The following MYO5A variants were observed in gnomAD, a reference collection of about 807,000 sequenced individuals.
The protein encoded by MYO5A is myosin VA.
MYO5A carries 98 observed loss-of-function variants against 249.7 expected under a neutral mutation model. The observed-to-expected ratio is 0.39, with a 90% CI of 0.33 to 0.46. The LOEUF (loss-of-function observed/expected upper bound fraction) is 0.46. MYO5A is among the 20% of genes least tolerant of loss of function. The pLI is 0.98. For synonymous variants in MYO5A, 778 were observed against 810.6 expected, an observed-to-expected ratio of 0.96 and a Z score of 0.68; for missense variants, 1,696 against 2,308.8, an observed-to-expected ratio of 0.73 and a Z score of 5.44.
In MYO5A at chr15:52,313,106, T is replaced by C. The variant is rs953849578; in HGVS notation, c.*590A>G. The C allele has an allele frequency of 3.2e-5, 5 of 156,194 alleles. No individual in the cohort carries two copies. The highest frequency in any genetic ancestry group is 7.1e-5 in the Non-Finnish European group (5 of 70,198). The allele number at this position is 156,194 out of a possible 1,614,324, so 9.7% of individuals were successfully genotyped here. ...AAACTATAGTACAAATGGACATCTA[T>C]ACTATTTAGCAAACCAACATTCCTT... On this transcript the variant is annotated 3_prime_UTR_variant, in exon 42 of 42. Coordinates refer to ENST00000399233, the MANE Select transcript of MYO5A (RefSeq NM_001382347.1).
chr15:52,331,316 C>G (rs1321422052), intron 34 of MYO5A, among the ~76,000 whole-genome samples: 1 of 151,994 alleles, frequency 6.6e-6, no homozygotes, highest in East Asian at 1.9e-4. Context: ...AGGGCAGCAG[C>G]TAGAGAATTA....
intron 1 of MYO5A, among the ~76,000 whole-genome samples, chr15:52,479,252 A>AC (rs1483500098): frequency 1.3e-5 from 2 of 152,114 alleles, no homozygotes; most frequent in African/African-American, 4.8e-5. Context: ...TGCTGGTATT[A>AC]CAGGAGTGAG....
chr15:52,433,515 G>A (rs2075589740), intron 1 of MYO5A, among the ~76,000 whole-genome samples: 1 of 149,012 alleles, frequency 6.7e-6, no homozygotes, highest in Admixed American at 6.8e-5. Context: ...CTGCCTCCTG[G>A]GTTCAAGCAA....
Position 52,330,356 on chromosome 15 carries a change from G to A in MYO5A, c.4552C>T (p.Leu1518=). ...DEQKLVKNLI[L]ELKPRGVAVN... ...ATCCAATGCAGAAAATACTTGCCCA[G>A]AATCAGGTTCTTAACAAGTTTTTGC... Residue 1518 remains leucine (L), a synonymous_variant, in exon 35 of 42, where the codon CTG becomes TTG. Transcript: ENST00000399233. 2 of 1,614,040 alleles carry A rather than the reference G, an allele frequency of 1.2e-6. No individual in the cohort carries two copies. The highest frequency in any genetic ancestry group is 2.2e-5 in the East Asian group (1 of 44,868).
chr15:52,351,388 C>T lies in MYO5A; in HGVS notation c.3715G>A (p.Ala1239Thr), dbSNP rs370437966. Residue 1239 changes from alanine to threonine, a missense_variant, in exon 28 of 42, where the codon GCC becomes ACC. By Grantham distance (58) the Ala-to-Thr change is moderately conservative (BLOSUM62 0). Coordinates refer to ENST00000399233, the MANE Select transcript of MYO5A (RefSeq NM_001382347.1). ...ACACGGTAGGCAGGTGCACCTGGGGCGGTCACCTCTGGGGCACTTTTCTCA... is the reference window on the plus strand; with the variant it reads ...ACACGGTAGGCAGGTGCACCTGGGGTGGTCACCTCTGGGGCACTTTTCTCA... ...LSEKSAPEVT[A>T]PGAPAYRVLM... 5.6e-5 allele frequency: 91 copies of T among 1,614,016 alleles called. No individual in the cohort carries two copies. Among genetic ancestry groups the T allele is most frequent in the Non-Finnish European group, 7.4e-5 (87 of 1,179,996 alleles).
At chr15:52,343,047 G>C in intron 31 of MYO5A, 70 bp downstream of exon 31, 1 of 1,254,510 alleles carries the variant, frequency 8.0e-7, no homozygotes, top group Non-Finnish European at 1.2e-6. Context: ...AGGGGTGAAA[G>C]TCAGGAGGTC....
intron 14 of MYO5A, among the ~76,000 whole-genome samples, chr15:52,387,388 G>A (rs549250426): frequency 2.6e-5 from 4 of 152,292 alleles, no homozygotes; most frequent in East Asian, 1.9e-4. Flanking sequence ...GTAAGGCCAC[G>A]TTTCTAGTAC....
In MYO5A at chr15:52,327,849, G is replaced by T; in HGVS notation, c.4710+3C>A. ...ATGAGAATTTTGTTGAACAGGAACT[G>T]ACCTTCAATACTTTTTTGATGCTGT... On this transcript the variant is annotated splice_donor_region_variant and intron_variant, in intron 36 of 41. Transcript: ENST00000399233. 2 of 1,612,552 alleles carry T rather than the reference G, an allele frequency of 1.2e-6. No individual in the cohort carries two copies. Among genetic ancestry groups the T allele is most frequent in the South Asian group, 2.2e-5 (2 of 90,934 alleles).
chr15:52,325,477 C>T (rs2038557189), intron 36 of MYO5A, among the ~76,000 whole-genome samples: 1 of 150,646 alleles, frequency 6.6e-6, no homozygotes, highest in Non-Finnish European at 1.5e-5. Context: ...TCATGGCTCA[C>T]TGCAGCTTTG....
chr15:52,472,566 C>T (rs1053530572), intron 1 of MYO5A, among the ~76,000 whole-genome samples: 2 of 152,066 alleles, frequency 1.3e-5, no homozygotes, highest in Admixed American at 6.6e-5. Flanking sequence ...CACAACAGGC[C>T]CCGGTGTGAT....
intron 32 of MYO5A, among the ~76,000 whole-genome samples, chr15:52,338,246 G>A (rs550913457): frequency 2.4e-5 from 3 of 126,704 alleles, no homozygotes; most frequent in Non-Finnish European, 5.1e-5. Context: ...TTTTTTTGCC[G>A]CCAGCAGCAG....
intron 24 of MYO5A, among the ~76,000 whole-genome samples, chr15:52,362,882 A>C (rs532632835): frequency 6.6e-6 from 1 of 152,346 alleles, no homozygotes; most frequent in South Asian, 2.1e-4. Context: ...ATGCTCAGAG[A>C]GGGATACATG....
intron 16 of MYO5A, among the ~76,000 whole-genome samples, chr15:52,381,224 T>C (rs1488544017): frequency 2.0e-5 from 3 of 151,996 alleles, no homozygotes; most frequent in Non-Finnish European, 4.4e-5. Context: ...TGATAAAAGG[T>C]CATGGTCCTG....
chr15:52,407,987 C>A, intron 7 of MYO5A, 72 bp downstream of exon 7: 1 of 1,027,918 alleles, frequency 9.7e-7, no homozygotes, highest in Middle Eastern at 2.3e-4. Flanking sequence ...TCCTTTTTAA[C>A]AAGTAAATTT....
chr15:52,348,988 T>G (rs983064895), intron 28 of MYO5A, among the ~76,000 whole-genome samples, 162 bp from the exon 29 acceptor site: 1 of 152,176 alleles, frequency 6.6e-6, no homozygotes, highest in African/African-American at 2.4e-5. Context: ...TACATTAACA[T>G]TCCTGGAACT....
intron 1 of MYO5A, among the ~76,000 whole-genome samples, chr15:52,493,337 A>G (rs577949232): frequency 6.1e-4 from 93 of 152,364 alleles, no homozygotes; most frequent in African/African-American, 2.1e-3. Context: ...GCACATTAAC[A>G]AAGAATGGAG....
chr15:52,512,499 AG>A (rs1401435503), intron 1 of MYO5A, among the ~76,000 whole-genome samples: 1 of 151,462 alleles, frequency 6.6e-6, no homozygotes, highest in African/African-American at 2.4e-5. Flanking sequence ...GTATTCATAA[AG>A]TAAATCATTT....
chr15:52,445,598 G>A (rs1216828787), intron 1 of MYO5A, among the ~76,000 whole-genome samples: 4 of 152,200 alleles, frequency 2.6e-5, no homozygotes, highest in African/African-American at 9.7e-5. Context: ...AAGACAGGAA[G>A]AAGAAAGAAA....
At chr15:52,472,903 T>C (rs942456106) in intron 1 of MYO5A, among the ~76,000 whole-genome samples, 3 of 152,244 alleles carry the variant, frequency 2.0e-5, no homozygotes, top group Non-Finnish European at 2.9e-5. Flanking sequence ...TTTGGGTATA[T>C]ACCCAGTAAT....
Sources: gnomAD v4.1 joint callset for allele counts (sites outside exome capture counted in the v4.1 genomes callset) on GRCh38, gnomAD v4.1.1 for gene constraint, MANE v1.5 for transcripts, NCBI Gene and HGNC (gene_info 2026-07-23, HGNC 2026-07-21) for gene names.